Variants in ADGRL3 observed in about 807,000 individuals in gnomAD.
ADGRL3 encodes the protein adhesion G protein-coupled receptor L3.
In ADGRL3, 62 loss-of-function variants were observed where a neutral mutation model predicts 153.5. That is an observed-to-expected ratio of 0.40 (90% CI 0.33 to 0.50). The LOEUF (loss-of-function observed/expected upper bound fraction) is 0.50. Ranked by LOEUF, ADGRL3 falls within the 20% of genes least tolerant of loss-of-function variation. The pLI is 0.47. For synonymous variants in ADGRL3, 710 were observed against 672.5 expected (o/e 1.06, Z -0.86); for missense variants, 1,641 against 1,859.4 (o/e 0.88, Z 2.16).
At chr4:61,667,278 A>G (rs2094832523) in intron 5 of ADGRL3, among the ~76,000 whole-genome samples, 1 of 152,112 alleles carries the variant, frequency 6.6e-6, no homozygotes, top group Admixed American at 6.6e-5. Context: ...TATTAAGTCA[A>G]TTTTATATAT....
At chr4:61,808,934 T>G (rs2097579445) in intron 8 of ADGRL3, among the ~76,000 whole-genome samples, 1 of 152,024 alleles carries the variant, frequency 6.6e-6, no homozygotes, top group African/African-American at 2.4e-5. Context: ...AGCAGAGAGA[T>G]ATAACTTACT....
intron 5 of ADGRL3, among the ~76,000 whole-genome samples, chr4:61,593,792 T>C (rs994672128): frequency 6.6e-6 from 1 of 152,146 alleles, no homozygotes; most frequent in African/African-American, 2.4e-5. Context: ...TAGTCTTCTT[T>C]GAGTTATATC....
intron 1 of ADGRL3, among the ~76,000 whole-genome samples, chr4:61,315,844 T>G (rs1418734233): frequency 1.3e-5 from 2 of 152,164 alleles, no homozygotes; most frequent in Non-Finnish European, 2.9e-5. Context: ...CAAATGAACT[T>G]GTAGACTAAG....
At position 62,051,717 on chromosome 4, in the gene ADGRL3, C is replaced by T. The variant is rs569896679; in HGVS notation, c.3814+7168C>T. On this transcript the variant is annotated intron_variant, in intron 25 of 26. Coordinates refer to ENST00000683033, the MANE Select transcript of ADGRL3 (RefSeq NM_001387552.1). The stretch of plus-strand genomic sequence containing the variant: ...TTAAAAATTGTATTTAATTTCCTCA[C>T]GTTTTTTGATTTATTACGTTATTAC... 2.2e-4 allele frequency among the ~76,000 whole-genome samples: 33 copies of T among 151,726 alleles called. 1 individual carries two copies. Among genetic ancestry groups the T allele is most frequent in the South Asian group, 4.2e-4 (2 of 4,812 alleles).
Position 61,957,545 on chromosome 4 carries a change from T to TTATG in ADGRL3, c.2805+9273_2805+9276dup, listed in dbSNP as rs1170391921. Among the ~76,000 whole-genome samples, 487 of 122,918 alleles carry TTATG rather than the reference T, an allele frequency of 4.0e-3. 5 individuals carry two copies. The highest frequency in any genetic ancestry group is 0.013 in the African/African-American group (454 of 35,862). The allele number at this position is 122,918 out of a possible 152,430, so 80.6% of individuals were successfully genotyped here. A position where few individuals can be genotyped will look rare whatever the true frequency, so the allele number is the denominator to read the frequency against. On this transcript the variant is annotated intron_variant, in intron 17 of 26. Transcript: ENST00000683033. Reference sequence around the variant, plus strand: ...ACATTTTTTTCTCTCTTGGTTACATTTATGTATTTATTTATTTATTTATTT... The same window carrying TTATG: ...ACATTTTTTTCTCTCTTGGTTACATTTATGTATGTATTTATTTATTTATTTATTT...
chr4:61,453,993 T>A (rs937744188), intron 2 of ADGRL3, among the ~76,000 whole-genome samples: 1 of 152,126 alleles, frequency 6.6e-6, no homozygotes, highest in African/African-American at 2.4e-5. Flanking sequence ...ATTGCTGTCA[T>A]TGTTCAGTTG....
At chr4:61,568,369 C>G (rs1180058695) in intron 4 of ADGRL3, among the ~76,000 whole-genome samples, 1 of 152,090 alleles carries the variant, frequency 6.6e-6, no homozygotes, top group African/African-American at 2.4e-5. Context: ...TACTTTGTAA[C>G]TAAGTTTAAT....
chr4:61,961,236 A>G (rs1389649325), intron 17 of ADGRL3, among the ~76,000 whole-genome samples: 3 of 152,130 alleles, frequency 2.0e-5, no homozygotes, highest in Non-Finnish European at 1.5e-5. Context: ...AAAAAAAGAT[A>G]GCTGCCACCT....
Position 61,200,886 on chromosome 4 carries a change from G to A in ADGRL3, c.-1119G>A, listed in dbSNP as rs1734449873. Among the ~76,000 whole-genome samples the A allele has an allele frequency of 6.6e-6, 1 of 151,702 alleles. No individual in the cohort carries two copies. The highest frequency in any genetic ancestry group is 2.4e-5 in the African/African-American group (1 of 41,348). ...GGCGAGCTAATCATCCACCCCACGG[G>A]CTCGGGGTTCGCCGGCCCCCGGGAC... On this transcript the variant is annotated 5_prime_UTR_variant, in exon 1 of 27. Transcript: ENST00000683033.
intron 9 of ADGRL3, among the ~76,000 whole-genome samples, chr4:61,879,380 C>T (rs1317205162): frequency 1.3e-5 from 2 of 152,124 alleles, no homozygotes; most frequent in Non-Finnish European, 2.9e-5. Context: ...GGAATATTTG[C>T]ATACACATAA....
chr4:62,006,028 A>ATTT (rs1301027296), intron 21 of ADGRL3, among the ~76,000 whole-genome samples: 14 of 95,512 alleles, frequency 1.5e-4, no homozygotes, highest in African/African-American at 5.1e-4. Flanking sequence ...ATATATATAT[A>ATTT]TATATTTTTT....
chr4:61,680,927 C>T (rs1470411547), intron 6 of ADGRL3, among the ~76,000 whole-genome samples: 1 of 152,038 alleles, frequency 6.6e-6, no homozygotes, highest in Non-Finnish European at 1.5e-5. Flanking sequence ...ACAGATGAAT[C>T]AATACTTTTC....
rs1029704116 is a variant in ADGRL3 at position 61,770,820 on chromosome 4, G to T, written c.1399+37266G>T. ...TATTTCCAACTAAAATGGAAATAAA[G>T]ATCCCTATGAGTTGCATGCCTTTAG... On this transcript the variant is annotated intron_variant, in intron 8 of 26. Transcript: ENST00000683033. Among the ~76,000 whole-genome samples, 13 of 152,136 alleles carry T rather than the reference G, an allele frequency of 8.5e-5. 1 individual carries two copies. Among genetic ancestry groups the T allele is most frequent in the African/African-American group, 3.1e-4 (13 of 41,438 alleles).
intron 2 of ADGRL3, among the ~76,000 whole-genome samples, chr4:61,496,322 A>C (rs531925928): frequency 6.6e-6 from 1 of 152,318 alleles, no homozygotes; most frequent in South Asian, 2.1e-4. Flanking sequence ...ATACTGTGGT[A>C]TAACCCCATG....
chr4:61,288,150 C>T (rs1218380017), intron 1 of ADGRL3, among the ~76,000 whole-genome samples: 2 of 151,916 alleles, frequency 1.3e-5, no homozygotes, highest in Non-Finnish European at 2.9e-5. Flanking sequence ...CTGTTTTATG[C>T]TTTCTCCTTG....
chr4:61,699,228 T>C (rs191930616), intron 6 of ADGRL3, among the ~76,000 whole-genome samples: 2 of 152,282 alleles, frequency 1.3e-5, no homozygotes, highest in African/African-American at 2.4e-5. Flanking sequence ...CACTCTGATA[T>C]GACTTTAACA....
intron 1 of ADGRL3, among the ~76,000 whole-genome samples, chr4:61,346,804 C>G: frequency 7.0e-6 from 1 of 142,672 alleles, no homozygotes; most frequent in South Asian, 2.2e-4. Context: ...AAAAAAAAAG[C>G]TAAGGTGAAT....
intron 6 of ADGRL3, among the ~76,000 whole-genome samples, chr4:61,712,883 G>A (rs1043862047): frequency 1.3e-5 from 2 of 152,074 alleles, no homozygotes; most frequent in Admixed American, 1.3e-4. Flanking sequence ...GCATTGAAAT[G>A]TATTGTTTAA....
chr4:61,396,768 TG>T (rs1188477109), intron 2 of ADGRL3, among the ~76,000 whole-genome samples: 1 of 151,842 alleles, frequency 6.6e-6, no homozygotes, highest in Non-Finnish European at 1.5e-5. Context: ...TTCCAGCAAA[TG>T]GATTCATTTA....
Sources: allele counts gnomAD v4.1 joint callset (sites outside exome capture counted in the v4.1 genomes callset), GRCh38; gene constraint gnomAD v4.1.1; transcripts MANE v1.5; gene names NCBI Gene and HGNC (gene_info 2026-07-23, HGNC 2026-07-21).